PLEKHH2: variants seen among roughly 807,000 people sequenced by gnomAD.
The protein encoded by PLEKHH2 is pleckstrin homology, MyTH4 and FERM domain containing H2, also known as pleckstrin homology domain-containing family H member 2.
A neutral mutation model predicts 187.9 loss-of-function variants in PLEKHH2; 129 were observed. The observed-to-expected ratio is 0.69, with a 90% confidence interval of 0.59 to 0.79. The LOEUF (loss-of-function observed/expected upper bound fraction) is 0.79, where lower values mean the gene tolerates loss of function less well. Ranked by LOEUF, PLEKHH2 falls within the 30% of genes least tolerant of loss-of-function variation. PLEKHH2 has a pLI of 0.00. For synonymous variants in PLEKHH2, 686 were observed against 605.6 expected, an observed-to-expected ratio of 1.13 and a Z score of -1.95; for missense variants, 2,076 against 1,751.2, an observed-to-expected ratio of 1.19 and a Z score of -3.31.
chr2:43,745,862 C>G lies in PLEKHH2; in HGVS notation c.3556-4C>G. The G allele has an allele frequency of 1.3e-6, 2 of 1,597,452 alleles. No homozygotes were observed. Among genetic ancestry groups the G allele is most frequent in the South Asian group, 1.1e-5 (1 of 89,000 alleles). On this transcript the variant is annotated splice_polypyrimidine_tract_variant and splice_region_variant and intron_variant, in intron 23 of 29. Transcript: ENST00000282406. ...TAAATCTCAGTTTTCCACTTCCTTT[C>G]TAGATTTGTGACATTATTTCCAAAT...
chr2:43,701,584 A>T (rs942488211), intron 8 of PLEKHH2, among the ~76,000 whole-genome samples: 2 of 151,800 alleles, frequency 1.3e-5, no homozygotes, highest in South Asian at 2.1e-4. Flanking sequence ...TTTAAGATAA[A>T]TTTAATTTTC....
chr2:43,758,137 T>C (rs963321704), intron 26 of PLEKHH2, among the ~76,000 whole-genome samples: 1 of 152,230 alleles, frequency 6.6e-6, no homozygotes, highest in Non-Finnish European at 1.5e-5. Flanking sequence ...GTAGAATAAG[T>C]GCTTGCCTTT....
chr2:43,709,054 A>G (rs990712745), intron 11 of PLEKHH2, among the ~76,000 whole-genome samples: 5 of 152,304 alleles, frequency 3.3e-5, no homozygotes, highest in African/African-American at 1.2e-4. Context: ...TAAATCTCCA[A>G]TTGTAGTGAC....
rs547634993 is a variant in PLEKHH2 at position 43,735,498 on chromosome 2, CT to C, written c.2944-2842del. Among the ~76,000 whole-genome samples, 12 of 152,152 alleles carry C rather than the reference CT, an allele frequency of 7.9e-5. No homozygotes were observed. The East Asian group carries it at 2.1e-3, about 27-fold the overall frequency. ...TACATTTATTTAAGAAGAATAAGTT[CT>C]AGTGTTCAACAGCACAGTAGGGCAA... On this transcript the variant is annotated intron_variant, in intron 19 of 29. Transcript: ENST00000282406.
chr2:43,753,999 A>G (rs1469479820), intron 25 of PLEKHH2, among the ~76,000 whole-genome samples: 1 of 152,150 alleles, frequency 6.6e-6, no homozygotes, highest in East Asian at 1.9e-4. Flanking sequence ...TTTTGAAAAT[A>G]TATCTCTAGG....
chr2:43,691,856 G>T (rs1668813401), intron 3 of PLEKHH2, among the ~76,000 whole-genome samples: 1 of 152,118 alleles, frequency 6.6e-6, no homozygotes, highest in Non-Finnish European at 1.5e-5. Flanking sequence ...AGAGATTTGG[G>T]GGTCTAGTTT....
At position 43,659,824 on chromosome 2, in the gene PLEKHH2, G is replaced by T. The variant is rs914477873; in HGVS notation, c.123+15028G>T. Among the ~76,000 whole-genome samples the T allele has an allele frequency of 2.0e-5, 3 of 151,840 alleles. No individual in the cohort carries two copies. The South Asian group carries it at 6.3e-4, about 32-fold the overall frequency. On this transcript the variant is annotated intron_variant, in intron 2 of 29. Transcript: ENST00000282406. The stretch of plus-strand genomic sequence containing the variant: ...TCCGCCTGCCTTGTCCTCCCAAAGT[G>T]CTGGGATTACAGGTGTTAGCCACTG...
intron 2 of PLEKHH2, among the ~76,000 whole-genome samples, chr2:43,676,734 G>A (rs572861552): frequency 6.6e-6 from 1 of 152,210 alleles, no homozygotes; most frequent in South Asian, 2.1e-4. Context: ...TCCTTCTTAA[G>A]GCTTTTAAAA....
chr2:43,682,939 T>TATATACAC (rs1553336233), intron 3 of PLEKHH2, among the ~76,000 whole-genome samples: 3 of 149,746 alleles, frequency 2.0e-5, no homozygotes, highest in African/African-American at 7.4e-5. Context: ...GTTCCATATA[T>TATATACAC]ACACACACAC....
chr2:43,637,926 G>C (rs1386818081), intron 1 of PLEKHH2, among the ~76,000 whole-genome samples: 1 of 152,218 alleles, frequency 6.6e-6, no homozygotes, highest in Non-Finnish European at 1.5e-5. Flanking sequence ...CGAAGTTAGT[G>C]GGGCACTTTT....
chr2:43,715,468 G>A (rs1489850377), intron 15 of PLEKHH2, among the ~76,000 whole-genome samples: 1 of 152,138 alleles, frequency 6.6e-6, no homozygotes, highest in Non-Finnish European at 1.5e-5. Context: ...GCATATTCAT[G>A]TTGCTAACAG....
At chr2:43,725,555 C>T (rs1205552358) in intron 16 of PLEKHH2, among the ~76,000 whole-genome samples, 1 of 152,118 alleles carries the variant, frequency 6.6e-6, no homozygotes, top group East Asian at 1.9e-4. Flanking sequence ...CTTTGAGCTG[C>T]GTTTTTAAAA....
In PLEKHH2 at chr2:43,743,966, C is replaced by T. The variant is rs748039835; in HGVS notation, c.3532C>T (p.His1178Tyr). 5 of 1,613,904 alleles carry T rather than the reference C, an allele frequency of 3.1e-6. No homozygotes were observed. Among genetic ancestry groups the T allele is most frequent in the Non-Finnish European group, 4.2e-6 (5 of 1,179,878 alleles). ...CGATCCTTCTGGCAGAGATTTAGAGCATTGTCTTCAAGGAAACATCAAGGT... is the reference window on the plus strand; with the variant it reads ...CGATCCTTCTGGCAGAGATTTAGAGTATTGTCTTCAAGGAAACATCAAGGT... ...TDDPSGRDLE[H>Y]CLQGNIKICD... is the part of the protein sequence containing the mutation. Residue 1178 changes from histidine (H) to tyrosine (Y), a missense_variant, in exon 23 of 30, where the codon CAT becomes TAT. Physicochemically the swap from His to Tyr is moderately conservative, Grantham distance 83. Transcript: ENST00000282406.
intron 2 of PLEKHH2, among the ~76,000 whole-genome samples, chr2:43,666,908 T>A (rs1438109185): frequency 1.3e-5 from 2 of 152,212 alleles, no homozygotes; most frequent in Non-Finnish European, 1.5e-5. Context: ...TTCTTAATAG[T>A]AAGTATTGGC....
chr2:43,648,466 C>T (rs1434575623), intron 2 of PLEKHH2, among the ~76,000 whole-genome samples: 3 of 151,794 alleles, frequency 2.0e-5, no homozygotes, highest in Admixed American at 6.6e-5. Context: ...GGATTACAGG[C>T]GTGAGCTGCT....
At chr2:43,735,185 G>T (rs909609817) in intron 19 of PLEKHH2, among the ~76,000 whole-genome samples, 1 of 151,856 alleles carries the variant, frequency 6.6e-6, no homozygotes. Context: ...GCAAGACTCT[G>T]TCTCAAAAAA....
chr2:43,723,076 C>G (rs1328861050), intron 16 of PLEKHH2, among the ~76,000 whole-genome samples: 2 of 151,986 alleles, frequency 1.3e-5, no homozygotes, highest in African/African-American at 4.8e-5. Flanking sequence ...AATGAATAAC[C>G]ATCTTTAAAT....
chr2:43,679,668 A>C (rs919829790), intron 3 of PLEKHH2: 1 of 222,506 alleles, frequency 4.5e-6, no homozygotes, highest in South Asian at 4.8e-5. Flanking sequence ...GCTAATTTTT[A>C]TATTGTTAGT....
At chr2:43,671,822 T>C (rs1024736879) in intron 2 of PLEKHH2, among the ~76,000 whole-genome samples, 1 of 152,214 alleles carries the variant, frequency 6.6e-6, no homozygotes, top group Non-Finnish European at 1.5e-5. Flanking sequence ...TGACATAATA[T>C]CTTTGTTGTG....
Sources: gnomAD v4.1 joint callset for allele counts (sites outside exome capture counted in the v4.1 genomes callset) on GRCh38, gnomAD v4.1.1 for gene constraint, MANE v1.5 for transcripts, NCBI Gene and HGNC (gene_info 2026-07-23, HGNC 2026-07-21) for gene names.